Variants in ASAP2 observed in about 807,000 individuals in gnomAD.
The protein encoded by ASAP2 is arf-GAP with SH3 domain, ANK repeat and PH domain-containing protein 2.
Under a neutral mutation model 131.4 loss-of-function variants are expected in ASAP2, and 45 were observed. The ratio of observed to expected loss-of-function variants is 0.34; its 90% CI spans 0.27 to 0.44. ASAP2 has a LOEUF of 0.44. ASAP2 is among the 20% of genes least tolerant of loss of function. The pLI, the probability that ASAP2 is intolerant of heterozygous loss-of-function variation, is 1.00. For synonymous variants in ASAP2, 510 were observed against 503.0 expected, an observed-to-expected ratio of 1.01 and a Z score of -0.19; for missense variants, 1,011 against 1,297.0, an observed-to-expected ratio of 0.78 and a Z score of 3.39.
Position 9,380,796 on chromosome 2 carries a change from C to T in ASAP2, c.2004C>T (p.His668=), listed in dbSNP as rs1443841632. The T allele has an allele frequency of 6.2e-7, 1 of 1,614,118 alleles. No individual in the cohort carries two copies. The highest frequency in any genetic ancestry group is 8.5e-7 in the Non-Finnish European group (1 of 1,180,022). ...TTGCCAAGCGCCTCAAGCACGAGCACTGTGAGGAGCTGGTGAGTCTCCCAC... is the reference window on the plus strand; with the variant it reads ...TTGCCAAGCGCCTCAAGCACGAGCATTGTGAGGAGCTGGTGAGTCTCCCAC... ...LDIAKRLKHE[H]CEELLTQALS... The change falls in exon 20 of 28, where the codon CAC becomes CAT. Residue 668 remains histidine, a synonymous_variant. Transcript: ENST00000281419.
intron 1 of ASAP2, among the ~76,000 whole-genome samples, chr2:9,240,835 T>C (rs1398969233): frequency 6.6e-6 from 1 of 152,158 alleles, no homozygotes; most frequent in African/African-American, 2.4e-5. Flanking sequence ...TCTGGGACCA[T>C]TATTATGTAA....
At chr2:9,218,280 G>A (rs1662193370) in intron 1 of ASAP2, among the ~76,000 whole-genome samples, 1 of 152,188 alleles carries the variant, frequency 6.6e-6, no homozygotes, top group South Asian at 2.1e-4. Context: ...GTCACTGAAT[G>A]TGATTGCCTG....
chr2:9,272,599 G>A (rs1449660032), intron 1 of ASAP2, among the ~76,000 whole-genome samples: 1 of 152,164 alleles, frequency 6.6e-6, no homozygotes, highest in Non-Finnish European at 1.5e-5. Context: ...TTGGTTGCCT[G>A]TGCTTGTGGG....
At chr2:9,365,461 A>G (rs1235198718) in intron 15 of ASAP2, among the ~76,000 whole-genome samples, 2 of 152,234 alleles carry the variant, frequency 1.3e-5, no homozygotes, top group African/African-American at 4.8e-5. Context: ...TCATGGAGAC[A>G]TGAAAACAGG....
chr2:9,317,179 AACAC>A (rs1167323922), intron 3 of ASAP2, among the ~76,000 whole-genome samples: 4 of 116,254 alleles, frequency 3.4e-5, no homozygotes, highest in Non-Finnish European at 7.0e-5. Flanking sequence ...CACCACACTC[AACAC>A]ACACCCCACG....
intron 1 of ASAP2, among the ~76,000 whole-genome samples, chr2:9,227,586 A>G (rs1331443940): frequency 6.6e-6 from 1 of 152,226 alleles, no homozygotes; most frequent in Non-Finnish European, 1.5e-5. Flanking sequence ...ACAGAGGTTT[A>G]ACGGCTCTGT....
At chr2:9,400,663 C>A in intron 25 of ASAP2, 79 bp from the exon 26 acceptor site, 1 of 1,313,218 alleles carries the variant, frequency 7.6e-7, no homozygotes, top group Non-Finnish European at 1.1e-6. Flanking sequence ...TTCAGACACA[C>A]CCTGTGGCTT....
At chr2:9,351,714 C>A (rs1672343779) in intron 12 of ASAP2, among the ~76,000 whole-genome samples, 1 of 152,160 alleles carries the variant, frequency 6.6e-6, no homozygotes, top group South Asian at 2.1e-4. Context: ...GTCAGTTGAC[C>A]TGTATTATTG....
At chr2:9,227,231 G>A (rs1271083805) in intron 1 of ASAP2, among the ~76,000 whole-genome samples, 1 of 152,132 alleles carries the variant, frequency 6.6e-6, no homozygotes, top group African/African-American at 2.4e-5. Context: ...GGCCTCTGCT[G>A]TACCCTCAGC....
chr2:9,383,618 C>A (rs1461785227), intron 20 of ASAP2, among the ~76,000 whole-genome samples: 1 of 152,056 alleles, frequency 6.6e-6, no homozygotes, highest in Admixed American at 6.6e-5. Flanking sequence ...AATTCAGACC[C>A]TTCCCATAAT....
At chr2:9,371,438 A>G (rs1673948655) in intron 16 of ASAP2, among the ~76,000 whole-genome samples, 1 of 152,246 alleles carries the variant, frequency 6.6e-6, no homozygotes, top group Admixed American at 6.5e-5. Flanking sequence ...TTAATGAATC[A>G]GCGAGTCAAA....
intron 1 of ASAP2, among the ~76,000 whole-genome samples, chr2:9,238,381 G>A (rs771557024): frequency 6.6e-6 from 1 of 152,156 alleles, no homozygotes; most frequent in Non-Finnish European, 1.5e-5. Context: ...AATACTCCAG[G>A]CTTTTGTAAA....
intron 1 of ASAP2, among the ~76,000 whole-genome samples, chr2:9,253,545 C>T (rs146193634): frequency 2.4e-4 from 36 of 152,240 alleles, no homozygotes; most frequent in South Asian, 1.0e-3. Flanking sequence ...AGCAGAGTGC[C>T]GTCACGCAGA....
At chr2:9,375,368 G>A (rs987186694) in intron 17 of ASAP2, among the ~76,000 whole-genome samples, 7 of 152,134 alleles carry the variant, frequency 4.6e-5, no homozygotes, top group Non-Finnish European at 1.0e-4. Flanking sequence ...AGAGGAAGAC[G>A]GCACGGAGAG....
At chr2:9,292,495 G>T (rs1667879940) in intron 2 of ASAP2, among the ~76,000 whole-genome samples, 1 of 152,160 alleles carries the variant, frequency 6.6e-6, no homozygotes, top group African/African-American at 2.4e-5. Context: ...TCTAGTCTGG[G>T]TGACAGAGTG....
chr2:9,380,949 C>A, intron 20 of ASAP2, 141 bp downstream of exon 20: 2 of 957,204 alleles, frequency 2.1e-6, no homozygotes, highest in South Asian at 1.6e-5. Context: ...CGAGAATCAG[C>A]CTGCCTTGGA....
Position 9,388,315 on chromosome 2 carries a change from G to A in ASAP2, c.2152G>A (p.Asp718Asn). 1 of 1,614,104 alleles carries A rather than the reference G, an allele frequency of 6.2e-7. No individual in the cohort carries two copies. Among genetic ancestry groups the A allele is most frequent in the Non-Finnish European group, 8.5e-7 (1 of 1,180,024 alleles). The change falls in exon 22 of 28, where the codon GAC becomes AAC. Residue 718 changes from aspartate to asparagine, a missense_variant. Asp to Asn is a conservative substitution (Grantham distance 23, BLOSUM62 1). This residue lies in a region of ASAP2 where 652 missense variants were observed against 698.9 expected (regional missense o/e 0.93). Coordinates refer to ENST00000281419, the MANE Select transcript of ASAP2 (RefSeq NM_003887.3). Reference protein sequence around the residue: ...KLQPSPNRREDRPISFYQLGS... With the variant: ...KLQPSPNRRENRPISFYQLGS... ...GCAGCCCAGTCCCAACCGGCGGGAA[G>A]ACCGGCCCATCAGCTTCTACCAGCT...
chr2:9,370,828 T>C (rs1183691052), intron 16 of ASAP2, among the ~76,000 whole-genome samples: 3 of 152,192 alleles, frequency 2.0e-5, no homozygotes, highest in Non-Finnish European at 4.4e-5. Context: ...GAAGGAGCTC[T>C]TCCTGGGCGA....
chr2:9,401,410 G>A lies in ASAP2; in HGVS notation c.2946+14G>A. On this transcript the variant is annotated intron_variant, in intron 27 of 27. Transcript: ENST00000281419. Reference sequence around the variant, plus strand: ...CAGGAGTGGTGGGTGAGTCAAGGGTGGGCCTGGGAGGTTCCTGGGGGCTGA... The same window carrying A: ...CAGGAGTGGTGGGTGAGTCAAGGGTAGGCCTGGGAGGTTCCTGGGGGCTGA... 6.2e-7 allele frequency: 1 copy of A among 1,612,200 alleles called. No homozygotes were observed. Among genetic ancestry groups the A allele is most frequent in the African/African-American group, 1.3e-5 (1 of 75,028 alleles).
Sources: allele counts gnomAD v4.1 joint callset (sites outside exome capture counted in the v4.1 genomes callset), GRCh38; gene constraint gnomAD v4.1.1; regional missense constraint gnomAD v4.1.1; transcripts MANE v1.5; gene names NCBI Gene and HGNC (gene_info 2026-07-23, HGNC 2026-07-21).